The following HMGN5 variants were observed in gnomAD, a reference collection of about 807,000 sequenced individuals.
HMGN5 encodes high mobility group nucleosome binding domain 5.
HMGN5 carries 4 observed loss-of-function variants against 9.5 expected under a neutral mutation model. The ratio of observed to expected loss-of-function variants is 0.42; its 90% CI spans 0.21 to 0.96. HMGN5 has a LOEUF of 0.96. Among genes scored for constraint, HMGN5 ranks in the 40% least tolerant of loss-of-function variants. The probability of loss-of-function intolerance (pLI) is 0.30; values close to 1 mark genes in which losing one functional copy is unlikely to be tolerated. For missense variants in HMGN5, 192 were observed against 187.5 expected, an observed-to-expected ratio of 1.02 and a Z score of -0.14; for synonymous variants, 55 against 57.1, an observed-to-expected ratio of 0.96 and a Z score of 0.16.
intron 1 of HMGN5, among the ~76,000 whole-genome samples, chrX:81,153,001 G>A (rs2075368496): frequency 1.4e-5 from 1 of 69,253 alleles, no homozygotes; most frequent in African/African-American, 5.5e-5. Context: ...GTTGTGGGGT[G>A]GGGGGAGGGG....
intron 1 of HMGN5, among the ~76,000 whole-genome samples, chrX:81,145,149 C>G (rs914196081): frequency 9.0e-6 from 1 of 111,608 alleles, no homozygotes; most frequent in African/African-American, 3.3e-5. Context: ...ATACAGCGAA[C>G]AACACAAACA....
intron 1 of HMGN5, among the ~76,000 whole-genome samples, chrX:81,163,042 T>A (rs1316586206): frequency 9.0e-6 from 1 of 111,659 alleles, no homozygotes; most frequent in Admixed American, 9.5e-5. Context: ...TAATGTTTTG[T>A]GACTTCCAAA....
intron 1 of HMGN5, among the ~76,000 whole-genome samples, chrX:81,170,373 A>T (rs891937376): frequency 1.8e-5 from 2 of 111,889 alleles, no homozygotes; most frequent in African/African-American, 6.5e-5. Flanking sequence ...AAGAGAAATT[A>T]TTTGATGATT....
chrX:81,128,070 G>GTT (rs2147544120), intron 1 of HMGN5, among the ~76,000 whole-genome samples: 1 of 111,089 alleles, frequency 9.0e-6, no homozygotes, highest in African/African-American at 3.3e-5. Flanking sequence ...CTGTCTGTGT[G>GTT]TGTGTGTTCT....
chrX:81,139,826 T>C (rs2075323098), intron 1 of HMGN5, among the ~76,000 whole-genome samples: 1 of 112,163 alleles, frequency 8.9e-6, no homozygotes, highest in Non-Finnish European at 1.9e-5. Flanking sequence ...GAATTGTGGA[T>C]CCTAGTGGTC....
chrX:81,117,260 G>GTTT lies in HMGN5; in HGVS notation c.130-922_130-920dup, dbSNP rs72026372. Reference sequence around the variant, plus strand: ...TTTTCTTTTCTTTTCTTTTTTTTCCGTTTTTTTTTTTTTTTTTGAGACAGG... The same window carrying GTTT: ...TTTTCTTTTCTTTTCTTTTTTTTCCGTTTTTTTTTTTTTTTTTTTTGAGACAGG... On this transcript the variant is annotated intron_variant, in intron 5 of 6. Coordinates refer to ENST00000358130, the MANE Select transcript of HMGN5 (RefSeq NM_030763.3). Among the ~76,000 whole-genome samples, 506 of 79,798 alleles carry GTTT rather than the reference G, an allele frequency of 6.3e-3. 15 individuals are homozygous for GTTT. The highest frequency in any genetic ancestry group is 0.022 in the East Asian group (50 of 2,252). 69.3% of individuals were successfully genotyped at this position (79,798 alleles called of 115,157 possible). A position where few individuals can be genotyped will look rare whatever the true frequency, so the allele number is the denominator to read the frequency against.
chrX:81,191,939 G>A (rs566306346), intron 1 of HMGN5, among the ~76,000 whole-genome samples: 2 of 111,085 alleles, frequency 1.8e-5, no homozygotes, highest in African/African-American at 6.5e-5. Flanking sequence ...GCCATGGAGG[G>A]TACCAACACA....
chrX:81,126,778 T>G (rs778180369), intron 1 of HMGN5, among the ~76,000 whole-genome samples: 9 of 111,843 alleles, frequency 8.0e-5, no homozygotes, highest in Non-Finnish European at 1.7e-4. Flanking sequence ...TATATTAAGA[T>G]GTACAACATG....
At chrX:81,153,588 T>A (rs2075373644) in intron 1 of HMGN5, among the ~76,000 whole-genome samples, 3 of 1,859 alleles carry the variant, frequency 1.6e-3, no homozygotes, top group African/African-American at 6.7e-3. Flanking sequence ...TCTCTCTATA[T>A]ATATATATAT....
At chrX:81,123,684 C>T (rs924422309) in intron 1 of HMGN5, among the ~76,000 whole-genome samples, 1 of 112,335 alleles carries the variant, frequency 8.9e-6, no homozygotes, top group African/African-American at 3.2e-5. Context: ...ATGCGAAACC[C>T]TGTAGCATGC....
At chrX:81,154,701 A>G (rs1467675662) in intron 1 of HMGN5, among the ~76,000 whole-genome samples, 2 of 111,316 alleles carry the variant, frequency 1.8e-5, no homozygotes, top group Non-Finnish European at 3.8e-5. Flanking sequence ...ATTAAAAATG[A>G]GCAAAAGATT....
At chrX:81,177,982 T>C (rs1297103613) in intron 1 of HMGN5, among the ~76,000 whole-genome samples, 3 of 111,925 alleles carry the variant, frequency 2.7e-5, no homozygotes, top group African/African-American at 9.7e-5. Flanking sequence ...TGTAATGAAA[T>C]GAAGGCAGAA....
intron 1 of HMGN5, among the ~76,000 whole-genome samples, chrX:81,160,041 T>C (rs745965714): frequency 6.2e-5 from 7 of 112,036 alleles, no homozygotes; most frequent in East Asian, 2.8e-4. Flanking sequence ...TTTCTAGTTA[T>C]GAAAATAATG....
intron 1 of HMGN5, among the ~76,000 whole-genome samples, chrX:81,185,817 T>C (rs2075475664): frequency 8.9e-6 from 1 of 111,742 alleles, no homozygotes; most frequent in African/African-American, 3.2e-5. Context: ...AGGGTTTTTA[T>C]CATGAAGGGA....
At chrX:81,150,751 A>C (rs1046197926) in intron 1 of HMGN5, among the ~76,000 whole-genome samples, 2 of 111,934 alleles carry the variant, frequency 1.8e-5, no homozygotes, top group Admixed American at 1.9e-4. Flanking sequence ...TGAAAAAAAG[A>C]GAGAAGATTC....
intron 1 of HMGN5, among the ~76,000 whole-genome samples, chrX:81,146,131 C>A (rs1200099676): frequency 3.6e-5 from 4 of 111,482 alleles, no homozygotes; most frequent in Non-Finnish European, 7.5e-5. Flanking sequence ...GATGTGAACT[C>A]AGCTCTGGAC....
chrX:81,154,615 A>G (rs900616834), intron 1 of HMGN5, among the ~76,000 whole-genome samples: 5 of 111,237 alleles, frequency 4.5e-5, no homozygotes, highest in African/African-American at 1.6e-4. Flanking sequence ...CAAACTACCC[A>G]TCTGACAAGG....
intron 1 of HMGN5, among the ~76,000 whole-genome samples, chrX:81,196,533 T>A (rs2075508700): frequency 9.2e-6 from 1 of 108,643 alleles, no homozygotes; most frequent in Non-Finnish European, 1.9e-5. Flanking sequence ...CATGGGTTTT[T>A]TTTGTTTGTT....
Position 81,114,822 on chromosome X carries a change from C to T in HMGN5, c.676G>A (p.Val226Ile), listed in dbSNP as rs1023412917. Residue 226 changes from valine (V) to isoleucine (I), a missense_variant, in exon 7 of 7, where the codon GTA becomes ATA. Val to Ile is a conservative substitution (Grantham distance 29). Coordinates refer to ENST00000358130, the MANE Select transcript of HMGN5 (RefSeq NM_030763.3). ...TCTTTTTCATCTTCTTTGACTTTTA[C>T]ATCTTTCCCCTCTTTTTTATCTCCC... Reference protein sequence around the residue: ...EKGDKKEGKDVKVKEDEKERE... With the variant: ...EKGDKKEGKDIKVKEDEKERE... 3.5e-6 allele frequency: 4 copies of T among 1,156,909 alleles called. No individual in the cohort carries two copies. Among genetic ancestry groups the T allele is most frequent in the South Asian group, 2.0e-5 (1 of 50,715 alleles).
Sources: allele counts gnomAD v4.1 joint callset (sites outside exome capture counted in the v4.1 genomes callset), GRCh38; gene constraint gnomAD v4.1.1; transcripts MANE v1.5; gene names NCBI Gene and HGNC (gene_info 2026-07-23, HGNC 2026-07-21).